The following ADAMTS12 variants were observed in gnomAD, a reference collection of about 807,000 sequenced individuals.
ADAMTS12 encodes ADAM metallopeptidase with thrombospondin type 1 motif 12.
A neutral mutation model predicts 167.8 loss-of-function variants in ADAMTS12; 118 were observed. The observed-to-expected ratio is 0.70, with a 90% CI of 0.61 to 0.82. ADAMTS12 has a LOEUF of 0.82. Among genes scored for constraint, ADAMTS12 ranks in the 40% least tolerant of loss-of-function variants. The pLI is 0.00. For synonymous variants in ADAMTS12, 704 were observed against 716.9 expected (o/e 0.98, Z 0.29); for missense variants, 1,916 against 1,998.8 (o/e 0.96, Z 0.79).
chr5:33,843,382 C>T (rs1748819458), intron 2 of ADAMTS12, among the ~76,000 whole-genome samples: 1 of 151,590 alleles, frequency 6.6e-6, no homozygotes, highest in South Asian at 2.1e-4. Flanking sequence ...CGTGGCTTGA[C>T]ATGGAGGTCA....
chr5:33,572,633 G>A (rs980279597), intron 19 of ADAMTS12, among the ~76,000 whole-genome samples: 6 of 133,478 alleles, frequency 4.5e-5, no homozygotes, highest in Admixed American at 3.2e-4. Flanking sequence ...CAAACCCACA[G>A]CCAATATCAT....
chr5:33,835,732 A>G (rs1258379392), intron 2 of ADAMTS12, among the ~76,000 whole-genome samples: 4 of 152,178 alleles, frequency 2.6e-5, no homozygotes, highest in African/African-American at 4.8e-5. Context: ...TAACATATCA[A>G]TTTTGGAGAG....
At chr5:33,662,462 C>T (rs768592942) in intron 5 of ADAMTS12, among the ~76,000 whole-genome samples, 9 of 152,210 alleles carry the variant, frequency 5.9e-5, no homozygotes, top group Non-Finnish European at 1.2e-4. Flanking sequence ...TCTCATGAGA[C>T]ATCCTGCAAG....
intron 3 of ADAMTS12, among the ~76,000 whole-genome samples, chr5:33,735,731 G>T (rs1005504336): frequency 1.3e-5 from 2 of 152,158 alleles, no homozygotes; most frequent in African/African-American, 4.8e-5. Context: ...CTGCTGGAAA[G>T]GTCAATGAAT....
intron 18 of ADAMTS12, among the ~76,000 whole-genome samples, chr5:33,585,312 A>G (rs1747291104): frequency 6.6e-6 from 1 of 152,194 alleles, no homozygotes; most frequent in Admixed American, 6.5e-5. Context: ...GGTTAAACTG[A>G]AAGCTTCATC....
At chr5:33,544,158 G>A (rs1036581596) in intron 22 of ADAMTS12, among the ~76,000 whole-genome samples, 6 of 152,158 alleles carry the variant, frequency 3.9e-5, no homozygotes, top group Non-Finnish European at 7.3e-5. Context: ...AGCAACTTCA[G>A]GAAAGCCTCA....
chr5:33,648,455 A>G (rs1312906548), intron 9 of ADAMTS12, among the ~76,000 whole-genome samples: 1 of 152,238 alleles, frequency 6.6e-6, no homozygotes, highest in East Asian at 1.9e-4. Flanking sequence ...TCCTACTTCT[A>G]ACTTGGGAGC....
Position 33,836,915 on chromosome 5 carries a change from A to ATT in ADAMTS12, c.489+44202_489+44203dup, listed in dbSNP as rs957214113. Among the ~76,000 whole-genome samples the ATT allele has an allele frequency of 6.6e-3, 956 of 145,490 alleles. 10 individuals are homozygous for ATT. Among genetic ancestry groups the ATT allele is most frequent in the African/African-American group, 0.024 (924 of 39,066 alleles). On this transcript the variant is annotated intron_variant, in intron 2 of 23. Transcript: ENST00000504830. ...GCCTCCGGGAGAGTCTGGCTTTAAA[A>ATT]TTTTTTTTTTTTCTTTACAGGCAGG...
At chr5:33,593,733 G>A (rs185883775) in intron 17 of ADAMTS12, among the ~76,000 whole-genome samples, 13 of 152,128 alleles carry the variant, frequency 8.5e-5, no homozygotes, top group East Asian at 1.9e-4. Context: ...TAATGCAAGC[G>A]GGGCTTAAAA....
chr5:33,627,984 G>T (rs772052654), intron 13 of ADAMTS12, among the ~76,000 whole-genome samples: 2 of 152,128 alleles, frequency 1.3e-5, no homozygotes, highest in Non-Finnish European at 2.9e-5. Flanking sequence ...ATTTTAAGGA[G>T]TGCACAGTAG....
intron 5 of ADAMTS12, among the ~76,000 whole-genome samples, chr5:33,676,360 C>T (rs745504813): frequency 1.1e-4 from 17 of 152,020 alleles, no homozygotes; most frequent in African/African-American, 2.4e-4. Context: ...GTCAGGCTTA[C>T]GCTACTGAAA....
At chr5:33,787,456 C>T (rs1372901648) in intron 2 of ADAMTS12, among the ~76,000 whole-genome samples, 1 of 152,220 alleles carries the variant, frequency 6.6e-6, no homozygotes, top group Non-Finnish European at 1.5e-5. Flanking sequence ...GTGGACAAAA[C>T]CTTCAGCATT....
intron 18 of ADAMTS12, among the ~76,000 whole-genome samples, chr5:33,578,422 A>C (rs1378293255): frequency 1.3e-5 from 2 of 152,204 alleles, no homozygotes; most frequent in Admixed American, 1.3e-4. Context: ...CCCCAAACCT[A>C]GTGCAACACA....
chr5:33,738,292 T>TG lies in ADAMTS12; in HGVS notation c.634+13111dup, dbSNP rs369446252. Among the ~76,000 whole-genome samples the TG allele has an allele frequency of 1.6e-3, 226 of 139,426 alleles. 2 individuals carry two copies. The highest frequency in any genetic ancestry group is 5.4e-3 in the African/African-American group (215 of 39,990). The allele number at this position is 139,426 out of a possible 152,430, so 91.5% of individuals were successfully genotyped here. A position where few individuals can be genotyped will look rare whatever the true frequency, so the allele number is the denominator to read the frequency against. Reference sequence around the variant, plus strand: ...GGAAAAACTACTGCTCTGTGGCCGTTGGGACTGCCCTTTGATTTTTTTTTT... The same window carrying TG: ...GGAAAAACTACTGCTCTGTGGCCGTTGGGGACTGCCCTTTGATTTTTTTTTT... On this transcript the variant is annotated intron_variant, in intron 3 of 23. Transcript: ENST00000504830.
intron 2 of ADAMTS12, among the ~76,000 whole-genome samples, chr5:33,854,825 A>G (rs1749343252): frequency 6.6e-6 from 1 of 152,218 alleles, no homozygotes; most frequent in South Asian, 2.1e-4. Context: ...ATGTCTGAGT[A>G]AGCATGGGTC....
chr5:33,749,778 A>G (rs1744913614), intron 3 of ADAMTS12, among the ~76,000 whole-genome samples: 1 of 151,864 alleles, frequency 6.6e-6, no homozygotes, highest in Admixed American at 6.6e-5. Flanking sequence ...TGTAAACCCC[A>G]CTCTTTTCTT....
At chr5:33,751,956 A>G (rs1000700738) in intron 2 of ADAMTS12, among the ~76,000 whole-genome samples, 1 of 152,226 alleles carries the variant, frequency 6.6e-6, no homozygotes, top group Admixed American at 6.5e-5. Context: ...CAACTTTTAG[A>G]ACATTTACCT....
chr5:33,790,470 T>C (rs1746487991), intron 2 of ADAMTS12, among the ~76,000 whole-genome samples: 2 of 151,348 alleles, frequency 1.3e-5, no homozygotes, highest in African/African-American at 2.4e-5. Context: ...GAAGAATCGC[T>C]TGAACCCAGG....
chr5:33,850,099 A>G (rs1270721436), intron 2 of ADAMTS12, among the ~76,000 whole-genome samples: 1 of 152,148 alleles, frequency 6.6e-6, no homozygotes, highest in Admixed American at 6.6e-5. Context: ...TTCACTCTCA[A>G]TAGATGATCT....
Sources: allele counts gnomAD v4.1 joint callset (sites outside exome capture counted in the v4.1 genomes callset), GRCh38; gene constraint gnomAD v4.1.1; transcripts MANE v1.5; gene names NCBI Gene and HGNC (gene_info 2026-07-23, HGNC 2026-07-21).